The following AKR1C1 variants were observed in gnomAD, a reference collection of about 807,000 sequenced individuals.
AKR1C1 encodes aldo-keto reductase family 1 member C1, also known as 20 alpha-hydroxysteroid dehydrogenase.
A neutral mutation model predicts 40.6 loss-of-function variants in AKR1C1; 32 were observed. The ratio of observed to expected loss-of-function variants is 0.79; its 90% CI spans 0.60 to 1.06. The LOEUF is 1.06. Among genes scored for constraint, AKR1C1 ranks in the 50% least tolerant of loss-of-function variants. The pLI is 0.00. For synonymous variants in AKR1C1, 105 were observed against 134.2 expected, an observed-to-expected ratio of 0.78 and a Z score of 1.50; for missense variants, 320 against 363.5, an observed-to-expected ratio of 0.88 and a Z score of 0.97.
chr10:4,974,403 G>T lies in AKR1C1; in HGVS notation c.847-1448G>T, dbSNP rs371174677. The stretch of plus-strand genomic sequence containing the variant: ...TACCTGTGTTGTCATATTCTCTGTG[G>T]TTATGTTTTCACAAACAAAAGTTTC... On this transcript the variant is annotated intron_variant, in intron 7 of 8. Transcript: ENST00000380872. Among the ~76,000 whole-genome samples the T allele has an allele frequency of 2.6e-5, 4 of 151,670 alleles. No homozygotes were observed. The East Asian group carries it at 5.8e-4, about 22-fold the overall frequency.
Position 4,972,292 on chromosome 10 carries a change from C to G in AKR1C1, c.662C>G (p.Ser221Cys), listed in dbSNP as rs140800505. The change falls in exon 6 of 9, where the codon TCC becomes TGC. Residue 221 changes from serine to cysteine, a missense_variant. Coordinates refer to ENST00000380872, the MANE Select transcript of AKR1C1 (RefSeq NM_001353.6). The stretch of plus-strand genomic sequence containing the variant: ...CTGGTTGCCTATAGTGCTCTGGGAT[C>G]CCACCGAGAAGAACCATGGTAATAA... ...IVLVAYSALG[S>C]HREEPWVDPN... is the part of the protein sequence containing the mutation. 4 of 1,606,614 alleles carry G rather than the reference C, an allele frequency of 2.5e-6. No individual in the cohort carries two copies. Among genetic ancestry groups the G allele is most frequent in the Non-Finnish European group, 2.5e-6 (3 of 1,177,326 alleles).
intron 8 of AKR1C1, among the ~76,000 whole-genome samples, chr10:4,976,325 A>G (rs1439611092): frequency 3.3e-5 from 5 of 152,070 alleles, no homozygotes; most frequent in African/African-American, 1.2e-4. Context: ...AACCTGCTCA[A>G]TGTCTTACCA....
chr10:4,976,028 C>T (rs1221490693), intron 8 of AKR1C1, 95 bp downstream of exon 8: 1 of 231,418 alleles, frequency 4.3e-6, no homozygotes, highest in South Asian at 4.0e-5. Context: ...GGCACAGAGG[C>T]CAACGTGAGA....
intron 5 of AKR1C1, among the ~76,000 whole-genome samples, chr10:4,969,361 A>G (rs1836388086): frequency 6.6e-6 from 1 of 152,256 alleles, no homozygotes; most frequent in Non-Finnish European, 1.5e-5. Flanking sequence ...AAGAGAAGAG[A>G]AATACTAGGG....
rs1836443386 is a variant in AKR1C1, at chr10:4,972,315, T to A, written c.680+5T>A. 1 of 1,612,104 alleles carries A rather than the reference T, an allele frequency of 6.2e-7. No individual in the cohort carries two copies. The highest frequency in any genetic ancestry group is 1.7e-5 in the Admixed American group (1 of 59,744). Reference sequence around the variant, plus strand: ...ATCCCACCGAGAAGAACCATGGTAATAAGAGATACAGGAAGTTTACCTAAA... The same window carrying A: ...ATCCCACCGAGAAGAACCATGGTAAAAAGAGATACAGGAAGTTTACCTAAA... On this transcript the variant is annotated splice_donor_5th_base_variant and intron_variant, in intron 6 of 8. Transcript: ENST00000380872.
intron 7 of AKR1C1, among the ~76,000 whole-genome samples, chr10:4,975,330 T>C (rs1197870708): frequency 5.3e-5 from 8 of 152,348 alleles, no homozygotes; most frequent in Admixed American, 4.6e-4. Flanking sequence ...ATCTTTTTGA[T>C]ATTTAGAGTC....
rs782101460 is a variant in AKR1C1, at chr10:4,972,600, C to T, written c.697C>T (p.Pro233Ser). The change falls in exon 7 of 9, where the codon CCG becomes TCG. Residue 233 changes from proline (P) to serine (S), a missense_variant. Physicochemically the swap from Pro to Ser is moderately conservative, Grantham distance 74. Around this residue, in one of 3 missense-constraint regions of AKR1C1, gnomAD observed 77 missense variants for 125.3 expected, o/e 0.61. Transcript: ENST00000380872. The part of the protein sequence containing the change: ...REEPWVDPNS[P>S]VLLEDPVLCA... ...TCCTTCCAGGGTGGACCCGAACTCC[C>T]CGGTGCTCTTGGAGGACCCAGTCCT... 13 of 1,613,844 alleles carry T rather than the reference C, an allele frequency of 8.1e-6. No individual in the cohort carries two copies. The highest frequency in any genetic ancestry group is 1.1e-5 in the Non-Finnish European group (13 of 1,179,986).
rs1303247012 is a variant in AKR1C1 at position 4,972,658 on chromosome 10, C to A, written c.755C>A (p.Pro252Gln). The A allele has an allele frequency of 6.2e-7, 1 of 1,613,162 alleles. No homozygotes were observed. The highest frequency in any genetic ancestry group is 8.5e-7 in the Non-Finnish European group (1 of 1,180,038). The change falls in exon 7 of 9, where the codon CCA (proline) becomes CAA (glutamine). Residue 252 changes from proline to glutamine, a missense_variant. Physicochemically the swap from Pro to Gln is moderately conservative, Grantham distance 76. Transcript: ENST00000380872. ...CALAKKHKRTPALIALRYQLQ... is the reference protein window; with the variant it reads ...CALAKKHKRTQALIALRYQLQ... ...TTGGCAAAAAAGCACAAGCGAACCC[C>A]AGCCCTGATTGCCCTGCGCTACCAG...
chr10:4,965,825 A>G, intron 1 of AKR1C1, 89 bp from the exon 2 acceptor site: 7 of 1,476,198 alleles, frequency 4.7e-6, no homozygotes, highest in South Asian at 1.4e-5. Flanking sequence ...AAAGGAGGAA[A>G]AGCTGATTTT....
At position 4,982,912 on chromosome 10, in the gene AKR1C1, G is replaced by T. The variant is rs1279840458; in HGVS notation, c.*5170G>T. 6.7e-6 allele frequency: 3 copies of T among 446,912 alleles called. No homozygotes were observed. Among genetic ancestry groups the T allele is most frequent in the Admixed American group, 4.7e-5 (2 of 42,108 alleles). 27.7% of individuals were successfully genotyped at this position (446,912 alleles called of 1,614,324 possible). On this transcript the variant is annotated 3_prime_UTR_variant, in exon 9 of 9. Coordinates refer to ENST00000380872, the MANE Select transcript of AKR1C1 (RefSeq NM_001353.6). The stretch of plus-strand genomic sequence containing the variant: ...CCAGTCAGAGGTCTTGAGTCGGTCC[G>T]CATGACAAGTTCACCGCTCGCATAA...
chr10:4,964,359 G>C (rs539921997), intron 1 of AKR1C1, among the ~76,000 whole-genome samples: 4 of 152,304 alleles, frequency 2.6e-5, no homozygotes, highest in African/African-American at 9.6e-5. Context: ...GAAGACCATT[G>C]ACAGGAGTGG....
At chr10:4,970,500 C>T (rs1419123149) in intron 5 of AKR1C1, among the ~76,000 whole-genome samples, 1 of 152,096 alleles carries the variant, frequency 6.6e-6, no homozygotes, top group Non-Finnish European at 1.5e-5. Flanking sequence ...TTGCACCACA[C>T]TAGACTGCAT....
Position 4,979,556 on chromosome 10 carries a change from T to C in AKR1C1, c.*1814T>C, listed in dbSNP as rs1182670528. 2 of 152,036 alleles carry C rather than the reference T, an allele frequency of 1.3e-5. No individual in the cohort carries two copies. Among genetic ancestry groups the C allele is most frequent in the Non-Finnish European group, 1.5e-5 (1 of 68,050 alleles). 9.4% of individuals were successfully genotyped at this position (152,036 alleles called of 1,614,324 possible). A position where few individuals can be genotyped will look rare whatever the true frequency, so the allele number is the denominator to read the frequency against. On this transcript the variant is annotated 3_prime_UTR_variant, in exon 9 of 9. Coordinates refer to ENST00000380872, the MANE Select transcript of AKR1C1 (RefSeq NM_001353.6). ...AGATTGACATTTTGTTAAAAGTTAG[T>C]AGTGAAGTGTGTAACGCTTAAGCAA...
intron 6 of AKR1C1, 53 bp from the exon 7 acceptor site, chr10:4,972,531 A>G: frequency 1.2e-6 from 2 of 1,610,690 alleles, no homozygotes; most frequent in East Asian, 2.2e-5. Context: ...GGAGCCGCCT[A>G]ACAAACTGTA....
At chr10:4,975,059 T>C (rs1836505216) in intron 7 of AKR1C1, among the ~76,000 whole-genome samples, 1 of 152,098 alleles carries the variant, frequency 6.6e-6, no homozygotes, top group Non-Finnish European at 1.5e-5. Flanking sequence ...TAATAGCCTT[T>C]TAATAAATAT....
intron 5 of AKR1C1, among the ~76,000 whole-genome samples, chr10:4,971,797 G>A (rs1588561752): frequency 6.6e-6 from 1 of 152,014 alleles, no homozygotes; most frequent in South Asian, 2.1e-4. Context: ...ACATATACAT[G>A]TATGCATTTT....
At chr10:4,971,611 T>C (rs11252855) in intron 5 of AKR1C1, among the ~76,000 whole-genome samples, 17,585 of 147,646 alleles carry the variant, frequency 0.12, 1,467 homozygotes, top group East Asian at 0.48. Context: ...AACCCACTGG[T>C]GACATTTGAG....
In AKR1C1 at chr10:4,970,846, A is replaced by T. The variant is rs567323767; in HGVS notation, c.571-1355A>T. Among the ~76,000 whole-genome samples, 621 of 150,570 alleles carry T rather than the reference A, an allele frequency of 4.1e-3. 10 individuals carry two copies. The highest frequency in any genetic ancestry group is 0.014 in the African/African-American group (587 of 40,932). On this transcript the variant is annotated intron_variant, in intron 5 of 8. Transcript: ENST00000380872. ...GAGGGGGGAGGGATAGCACTGGGAG[A>T]TATACCTAATGCTAGATGACGAGTT...
intron 5 of AKR1C1, 82 bp from the exon 6 acceptor site, chr10:4,972,119 T>C: frequency 6.3e-7 from 1 of 1,580,484 alleles, no homozygotes; most frequent in Non-Finnish European, 8.6e-7. Context: ...CTCTACATTA[T>C]TCAGCTTCTT....
Sources: gnomAD v4.1 joint callset for allele counts (sites outside exome capture counted in the v4.1 genomes callset) on GRCh38, gnomAD v4.1.1 for gene constraint, gnomAD v4.1.1 regional missense constraint, MANE v1.5 for transcripts, NCBI Gene and HGNC (gene_info 2026-07-23, HGNC 2026-07-21) for gene names.